The following DLG2 variants were observed in gnomAD, a reference collection of about 807,000 sequenced individuals.
DLG2 encodes the protein discs large MAGUK scaffold protein 2.
Under a neutral mutation model 132.5 loss-of-function variants are expected in DLG2, and 45 were observed. That is an observed-to-expected ratio of 0.34 (90% confidence interval 0.27 to 0.44). The LOEUF (loss-of-function observed/expected upper bound fraction) is 0.44, where lower values mean the gene tolerates loss of function less well. Among genes scored for constraint, DLG2 ranks in the 20% least tolerant of loss-of-function variants. The probability of loss-of-function intolerance (pLI) is 1.00; values close to 1 mark genes in which losing one functional copy is unlikely to be tolerated. For synonymous variants in DLG2, 424 were observed against 419.6 expected, an observed-to-expected ratio of 1.01 and a Z score of -0.13; for missense variants, 1,045 against 1,196.9, an observed-to-expected ratio of 0.87 and a Z score of 1.87.
intron 6 of DLG2, among the ~76,000 whole-genome samples, chr11:84,924,518 A>C (rs1278061460): frequency 6.6e-6 from 1 of 152,196 alleles, no homozygotes; most frequent in Non-Finnish European, 1.5e-5. Context: ...GTTACTGGGC[A>C]TTTCTCCTGG....
At chr11:84,317,177 A>C (rs1567273372) in intron 7 of DLG2, 2 of 1,575,220 alleles carry the variant, frequency 1.3e-6, no homozygotes, top group Non-Finnish European at 1.7e-6. Flanking sequence ...TCCTTTGGTC[A>C]GCTCTGCACA....
chr11:83,665,743 C>T (rs918864306), intron 18 of DLG2, among the ~76,000 whole-genome samples: 11 of 151,978 alleles, frequency 7.2e-5, no homozygotes, highest in Admixed American at 6.6e-4. Context: ...CTAGGCAACT[C>T]GTCTAAGGAA....
intron 6 of DLG2, among the ~76,000 whole-genome samples, chr11:84,782,188 C>A (rs1430641049): frequency 6.6e-6 from 1 of 152,084 alleles, no homozygotes; most frequent in Non-Finnish European, 1.5e-5. Context: ...CTTCCCCACA[C>A]TCCAAGATAC....
chr11:84,169,447 G>T (rs2095760417), intron 8 of DLG2, among the ~76,000 whole-genome samples: 1 of 152,136 alleles, frequency 6.6e-6, no homozygotes, highest in Non-Finnish European at 1.5e-5. Flanking sequence ...AAACAAACTT[G>T]TCTTTTTCTA....
chr11:84,552,724 A>G (rs1424644024), intron 6 of DLG2, among the ~76,000 whole-genome samples: 2 of 152,162 alleles, frequency 1.3e-5, no homozygotes, highest in Non-Finnish European at 2.9e-5. Flanking sequence ...GTCCTAATAA[A>G]TGTTTGTTAA....
intron 9 of DLG2, among the ~76,000 whole-genome samples, chr11:84,140,526 T>G (rs1446076255): frequency 6.6e-6 from 1 of 152,152 alleles, no homozygotes; most frequent in Non-Finnish European, 1.5e-5. Context: ...TGTATTCCTA[T>G]TCACGAGTTC....
intron 7 of DLG2, among the ~76,000 whole-genome samples, chr11:84,362,335 C>G (rs1351464593): frequency 6.6e-6 from 1 of 151,914 alleles, no homozygotes. Flanking sequence ...GTGAATTAAT[C>G]ACTTCCTCCA....
chr11:83,777,005 T>C (rs1420592306), intron 18 of DLG2, among the ~76,000 whole-genome samples: 1 of 152,226 alleles, frequency 6.6e-6, no homozygotes, highest in Non-Finnish European at 1.5e-5. Flanking sequence ...TGATTTTACT[T>C]GGCTGACTGT....
At chr11:83,654,084 G>T (rs562764963) in intron 18 of DLG2, among the ~76,000 whole-genome samples, 2 of 152,082 alleles carry the variant, frequency 1.3e-5, no homozygotes, top group East Asian at 3.9e-4. Flanking sequence ...CTATTCTGTG[G>T]ATAAGACTGG....
chr11:85,178,929 G>A (rs759687918), intron 4 of DLG2, among the ~76,000 whole-genome samples: 11 of 151,810 alleles, frequency 7.2e-5, no homozygotes, highest in African/African-American at 1.7e-4. Context: ...TGAAGAGAAC[G>A]CTGAAAAAGC....
intron 7 of DLG2, among the ~76,000 whole-genome samples, chr11:84,381,902 G>A (rs1040154775): frequency 2.8e-4 from 42 of 152,164 alleles, no homozygotes; most frequent in Admixed American, 2.8e-3. Context: ...CTGCCTGAAG[G>A]CATAGGTTTC....
chr11:84,557,453 A>C (rs1223531244), intron 6 of DLG2, among the ~76,000 whole-genome samples: 1 of 152,008 alleles, frequency 6.6e-6, no homozygotes, highest in East Asian at 1.9e-4. Flanking sequence ...TACTGGTTCC[A>C]TTTCTCTGAT....
intron 3 of DLG2, among the ~76,000 whole-genome samples, chr11:85,531,404 T>C (rs904082340): frequency 6.6e-6 from 1 of 152,218 alleles, no homozygotes; most frequent in Non-Finnish European, 1.5e-5. Flanking sequence ...CTCAAGCCAG[T>C]ATTTAACTCA....
intron 6 of DLG2, among the ~76,000 whole-genome samples, chr11:84,966,978 G>C (rs1356410978): frequency 6.6e-6 from 1 of 152,082 alleles, no homozygotes; most frequent in African/African-American, 2.4e-5. Context: ...CCCTCCATTG[G>C]TCTGGGATGC....
At chr11:85,620,232 C>G (rs1190951704) in intron 2 of DLG2, among the ~76,000 whole-genome samples, 1 of 152,196 alleles carries the variant, frequency 6.6e-6, no homozygotes, top group Non-Finnish European at 1.5e-5. Context: ...ATCATACCCA[C>G]ATAAGACAGC....
intron 6 of DLG2, among the ~76,000 whole-genome samples, chr11:84,786,610 C>T (rs186870572): frequency 1.3e-5 from 2 of 152,310 alleles, no homozygotes; most frequent in Non-Finnish European, 2.9e-5. Flanking sequence ...CAAAAAACAT[C>T]AATTCCATTG....
intron 6 of DLG2, among the ~76,000 whole-genome samples, chr11:84,591,686 T>A (rs2099543721): frequency 6.6e-6 from 1 of 151,434 alleles, no homozygotes; most frequent in Non-Finnish European, 1.5e-5. Context: ...ATAAAAATAA[T>A]AATAAAAAAG....
At chr11:84,727,842 T>A (rs889797802) in intron 6 of DLG2, among the ~76,000 whole-genome samples, 7 of 152,180 alleles carry the variant, frequency 4.6e-5, no homozygotes, top group Admixed American at 3.9e-4. Flanking sequence ...CCTAGGTATT[T>A]TATTCTCTCT....
At chr11:85,283,263 T>C (rs1487399082) in intron 4 of DLG2, among the ~76,000 whole-genome samples, 1 of 151,614 alleles carries the variant, frequency 6.6e-6, no homozygotes, top group South Asian at 2.1e-4. Context: ...AATTAATTAA[T>C]TACTTTTTTA....
Sources: gnomAD v4.1 joint callset for allele counts (sites outside exome capture counted in the v4.1 genomes callset) on GRCh38, gnomAD v4.1.1 for gene constraint, MANE v1.5 for transcripts, NCBI Gene and HGNC (gene_info 2026-07-23, HGNC 2026-07-21) for gene names.